The following TRHDE variants were observed in gnomAD, a reference collection of about 807,000 sequenced individuals.
TRHDE encodes thyrotropin releasing hormone degrading enzyme.
TRHDE carries 72 observed loss-of-function variants against 125.7 expected under a neutral mutation model. The observed-to-expected ratio is 0.57, with a 90% CI of 0.47 to 0.70. TRHDE has a LOEUF of 0.70. Among genes scored for constraint, TRHDE ranks in the 30% least tolerant of loss-of-function variants. TRHDE has a pLI of 0.00. For missense variants in TRHDE, 1,110 were observed against 1,327.1 expected, an observed-to-expected ratio of 0.84 and a Z score of 2.54; for synonymous variants, 509 against 509.1, an observed-to-expected ratio of 1.00 and a Z score of 0.00.
At chr12:72,482,350 G>A (rs955880557) in intron 5 of TRHDE, among the ~76,000 whole-genome samples, 2 of 151,776 alleles carry the variant, frequency 1.3e-5, no homozygotes, top group Admixed American at 1.3e-4. Context: ...CCTCAATCAG[G>A]TTGTTCTAAT....
intron 2 of TRHDE, among the ~76,000 whole-genome samples, chr12:72,202,713 C>G (rs753864934): frequency 1.3e-5 from 2 of 152,200 alleles, no homozygotes; most frequent in Non-Finnish European, 2.9e-5. Context: ...TTCTCTAAGT[C>G]CCATTTCAGG....
At chr12:72,603,004 C>T (rs974083732) in intron 12 of TRHDE, among the ~76,000 whole-genome samples, 1 of 152,060 alleles carries the variant, frequency 6.6e-6, no homozygotes, top group Non-Finnish European at 1.5e-5. Context: ...ATAGCCATAA[C>T]AACAGAACTA....
intron 2 of TRHDE, among the ~76,000 whole-genome samples, chr12:72,225,411 G>A (rs1331805529): frequency 6.6e-6 from 1 of 152,082 alleles, no homozygotes; most frequent in East Asian, 1.9e-4. Context: ...TTCTCACACA[G>A]CATTAATTCA....
At chr12:72,460,474 C>T (rs906082087) in intron 3 of TRHDE, among the ~76,000 whole-genome samples, 1 of 152,084 alleles carries the variant, frequency 6.6e-6, no homozygotes, top group Non-Finnish European at 1.5e-5. Context: ...TTTTTAAGCT[C>T]CATGAAAATT....
chr12:72,470,779 G>C (rs986942424), intron 4 of TRHDE, among the ~76,000 whole-genome samples: 10 of 149,758 alleles, frequency 6.7e-5, no homozygotes. Context: ...AGTGAAAGAA[G>C]GTAAACAGTT....
At chr12:72,565,239 A>G (rs1870386293) in intron 9 of TRHDE, among the ~76,000 whole-genome samples, 1 of 152,172 alleles carries the variant, frequency 6.6e-6, no homozygotes, top group Non-Finnish European at 1.5e-5. Flanking sequence ...CTACCGATCT[A>G]TTCCAGAAAT....
intron 2 of TRHDE, among the ~76,000 whole-genome samples, chr12:72,336,889 A>G (rs1869852492): frequency 6.6e-6 from 1 of 152,202 alleles, no homozygotes; most frequent in Admixed American, 6.5e-5. Flanking sequence ...AAACTGCTGC[A>G]TGAACTTTGG....
intron 2 of TRHDE, among the ~76,000 whole-genome samples, chr12:72,252,546 G>A (rs1426415263): frequency 6.6e-6 from 1 of 152,044 alleles, no homozygotes; most frequent in Admixed American, 6.6e-5. Context: ...TACTGTTACT[G>A]TATTATAAAG....
chr12:72,600,727 C>A (rs1872174370), intron 12 of TRHDE, among the ~76,000 whole-genome samples: 1 of 152,006 alleles, frequency 6.6e-6, no homozygotes, highest in South Asian at 2.1e-4. Context: ...ATTTACTTTT[C>A]CTGTGCTTTA....
At chr12:72,621,034 T>C (rs1873029518) in intron 13 of TRHDE, 74 bp from the exon 14 acceptor site, 4 of 691,366 alleles carry the variant, frequency 5.8e-6, no homozygotes, top group Non-Finnish European at 9.9e-6. Flanking sequence ...TTTAATTTTA[T>C]TACAGAATTT....
At chr12:72,417,896 T>G (rs1253171785) in intron 3 of TRHDE, among the ~76,000 whole-genome samples, 1 of 152,044 alleles carries the variant, frequency 6.6e-6, no homozygotes, top group African/African-American at 2.4e-5. Flanking sequence ...AACACATATT[T>G]TTTATTAAGT....
intron 15 of TRHDE, among the ~76,000 whole-genome samples, chr12:72,637,353 C>A (rs1424397731): frequency 6.6e-6 from 1 of 152,008 alleles, no homozygotes; most frequent in Non-Finnish European, 1.5e-5. Context: ...GGTGATATCC[C>A]CTTTATCATC....
At chr12:72,158,544 G>C (rs1226246185) in intron 2 of TRHDE, among the ~76,000 whole-genome samples, 3 of 151,822 alleles carry the variant, frequency 2.0e-5, no homozygotes, top group Non-Finnish European at 4.4e-5. Flanking sequence ...CAAATATGTT[G>C]TAACTTTTCA....
chr12:72,389,660 T>TG (rs1363999277), intron 3 of TRHDE, among the ~76,000 whole-genome samples: 2 of 152,146 alleles, frequency 1.3e-5, no homozygotes, highest in Non-Finnish European at 2.9e-5. Flanking sequence ...AATCCCATCA[T>TG]GGGGGCCCCA....
chr12:72,423,858 G>A (rs1323918389), intron 3 of TRHDE, among the ~76,000 whole-genome samples: 3 of 152,048 alleles, frequency 2.0e-5, no homozygotes, highest in African/African-American at 4.8e-5. Context: ...AGAGTTCAGA[G>A]TGATGTCATG....
chr12:72,413,479 A>G (rs970995220), intron 3 of TRHDE, among the ~76,000 whole-genome samples: 6 of 151,444 alleles, frequency 4.0e-5, no homozygotes, highest in African/African-American at 1.5e-4. Context: ...ATAAAATGAT[A>G]TTTGGACTAC....
At chr12:72,575,566 C>T (rs1565796221) in intron 12 of TRHDE, 24 bp downstream of exon 12, 3 of 1,611,142 alleles carry the variant, frequency 1.9e-6, no homozygotes, top group Non-Finnish European at 2.5e-6. Flanking sequence ...TGGATCTCCC[C>T]AATAAAAACT....
chr12:72,222,915 C>T (rs1278809966), intron 2 of TRHDE, among the ~76,000 whole-genome samples: 3 of 152,084 alleles, frequency 2.0e-5, no homozygotes, highest in Admixed American at 6.6e-5. Flanking sequence ...CATCTGACCC[C>T]TTAAAAAACT....
At chr12:72,642,956 T>C (rs1346500663) in intron 15 of TRHDE, among the ~76,000 whole-genome samples, 1 of 152,222 alleles carries the variant, frequency 6.6e-6, no homozygotes, top group Non-Finnish European at 1.5e-5. Context: ...TGAAATGTTA[T>C]TAGAACATCT....
Sources: allele counts gnomAD v4.1 joint callset (sites outside exome capture counted in the v4.1 genomes callset), GRCh38; gene constraint gnomAD v4.1.1; transcripts MANE v1.5; gene names NCBI Gene and HGNC (gene_info 2026-07-23, HGNC 2026-07-21).